CPPED1: variants seen among roughly 807,000 people sequenced by gnomAD.
CPPED1 encodes calcineurin like phosphoesterase domain containing 1, also known as serine/threonine-protein phosphatase CPPED1.
A neutral mutation model predicts 28.0 loss-of-function variants in CPPED1; 28 were observed. The observed-to-expected ratio is 1.00, with a 90% CI of 0.74 to 1.37. The LOEUF is 1.37. CPPED1 is among the 40% of genes most tolerant of loss of function. The pLI, the probability that CPPED1 is intolerant of heterozygous loss-of-function variation, is 0.00. For missense variants in CPPED1, 504 were observed against 416.5 expected (o/e 1.21, Z -1.83); for synonymous variants, 198 against 180.2 (o/e 1.10, Z -0.79).
intron 3 of CPPED1, among the ~76,000 whole-genome samples, chr16:12,666,136 A>C (rs892459653): frequency 2.6e-5 from 4 of 152,132 alleles, no homozygotes; most frequent in African/African-American, 9.7e-5. Flanking sequence ...AAATAAAAAT[A>C]ATGTTTATGG....
At chr16:12,688,691 T>C (rs1192422261) in intron 3 of CPPED1, among the ~76,000 whole-genome samples, 1 of 152,178 alleles carries the variant, frequency 6.6e-6, no homozygotes, top group East Asian at 1.9e-4. Context: ...TCCTGACTTT[T>C]CTCCAAGACT....
intron 1 of CPPED1, among the ~76,000 whole-genome samples, chr16:12,799,376 G>C (rs2141248403): frequency 6.6e-6 from 1 of 151,794 alleles, no homozygotes; most frequent in Admixed American, 6.6e-5. Context: ...CTCCCAAGTA[G>C]CTGGGATTAC....
intron 2 of CPPED1, chr16:12,757,406 G>A (rs779601607): frequency 1.7e-4 from 26 of 151,772 alleles, no homozygotes; most frequent in Non-Finnish European, 2.9e-5. Context: ...CTGCACAGGG[G>A]GATCTTACTT....
intron 2 of CPPED1, among the ~76,000 whole-genome samples, chr16:12,707,886 C>G (rs2080059898): frequency 6.6e-6 from 1 of 152,164 alleles, no homozygotes; most frequent in South Asian, 2.1e-4. Flanking sequence ...CTGATGCATG[C>G]CTATAATCCC....
intron 1 of CPPED1, among the ~76,000 whole-genome samples, chr16:12,798,282 A>T (rs2080639099): frequency 6.6e-6 from 1 of 152,162 alleles, no homozygotes; most frequent in Non-Finnish European, 1.5e-5. Context: ...ACTCACAGGA[A>T]CTCTCAAATA....
intron 2 of CPPED1, among the ~76,000 whole-genome samples, chr16:12,780,011 A>G (rs763142568): frequency 6.6e-6 from 1 of 152,078 alleles, no homozygotes; most frequent in Non-Finnish European, 1.5e-5. Context: ...ATAGGAAGAG[A>G]GTTCTAGAAG....
At position 12,670,249 on chromosome 16, in the gene CPPED1, C is replaced by T. The variant is rs992647607; in HGVS notation, c.716-5134G>A. On this transcript the variant is annotated intron_variant, in intron 3 of 3. Transcript: ENST00000381774. This position sits in a 1 kb window ranked among gnomAD's most constrained non-coding sequence, Gnocchi z 4.2. ...GTTTGAAGCTACAGTGAGCTATGACCGCACCATTGCATTCCAGTTTGGGTG... is the reference window on the plus strand; with the variant it reads ...GTTTGAAGCTACAGTGAGCTATGACTGCACCATTGCATTCCAGTTTGGGTG... Among the ~76,000 whole-genome samples, 3 of 152,066 alleles carry T rather than the reference C, an allele frequency of 2.0e-5. No homozygotes were observed. The highest frequency in any genetic ancestry group is 4.4e-5 in the Non-Finnish European group (3 of 68,024).
intron 3 of CPPED1, among the ~76,000 whole-genome samples, chr16:12,685,553 T>A (rs75088534): frequency 0.015 from 2,225 of 152,300 alleles, 49 homozygotes; most frequent in African/African-American, 0.05. Flanking sequence ...TGGCACACTG[T>A]CTACTGCATG....
chr16:12,713,782 C>T (rs1417439879), intron 2 of CPPED1, among the ~76,000 whole-genome samples: 1 of 152,078 alleles, frequency 6.6e-6, no homozygotes, highest in East Asian at 1.9e-4. Flanking sequence ...CCACTAATAA[C>T]AGCTTGAGAT....
intron 1 of CPPED1, among the ~76,000 whole-genome samples, chr16:12,797,566 TTA>T (rs1332784451): frequency 6.6e-6 from 1 of 151,828 alleles, no homozygotes; most frequent in Non-Finnish European, 1.5e-5. Flanking sequence ...AAAAAAAATT[TTA>T]AAGCAGGCAA....
At chr16:12,722,588 T>C (rs1037678717) in intron 2 of CPPED1, among the ~76,000 whole-genome samples, 1 of 152,038 alleles carries the variant, frequency 6.6e-6, no homozygotes, top group Non-Finnish European at 1.5e-5. Flanking sequence ...ATACAAAAAT[T>C]AGTTAGGTGT....
In CPPED1 at chr16:12,664,452, G is replaced by T; in HGVS notation, c.*434C>A. 1 of 1,007,224 alleles carries T rather than the reference G, an allele frequency of 9.9e-7. No homozygotes were observed. The highest frequency in any genetic ancestry group is 4.0e-5 in the South Asian group (1 of 24,798). 62.4% of individuals were successfully genotyped at this position (1,007,224 alleles called of 1,614,324 possible). On this transcript the variant is annotated 3_prime_UTR_variant, in exon 4 of 4. Transcript: ENST00000381774. The surrounding 1 kb of genome is among the most constrained non-coding windows in gnomAD (Gnocchi z 4.2). ...AACTTTGTTTTGCCTAGCGTTTTGG[G>T]AATCGTGACCACAATTTAATACAAT...
chr16:12,768,599 T>A (rs950834193), intron 2 of CPPED1, among the ~76,000 whole-genome samples: 3 of 152,238 alleles, frequency 2.0e-5, no homozygotes, highest in African/African-American at 7.2e-5. Flanking sequence ...TATGTGCGTA[T>A]GTACACACAG....
chr16:12,746,595 T>C (rs2080289903), intron 2 of CPPED1, among the ~76,000 whole-genome samples: 1 of 151,930 alleles, frequency 6.6e-6, no homozygotes, highest in Non-Finnish European at 1.5e-5. Flanking sequence ...AAATGGCAAC[T>C]ATGTGGGCAA....
At chr16:12,763,054 C>A (rs987826264) in intron 2 of CPPED1, among the ~76,000 whole-genome samples, 2 of 152,050 alleles carry the variant, frequency 1.3e-5, no homozygotes, top group Non-Finnish European at 2.9e-5. Context: ...CATGGTAAAA[C>A]CCCATCTCTA....
Position 12,704,834 on chromosome 16 carries a change from C to T in CPPED1, c.505G>A (p.Glu169Lys), listed in dbSNP as rs767697308. Residue 169 changes from glutamate (E) to lysine (K), a missense_variant, in exon 3 of 4, where the codon GAG becomes AAG. Transcript: ENST00000381774. ...LFLVLNSQFY[E>K]NPSKCPSLKQ... ...AGGCTGGGGCATTTGGAGGGGTTCT[C>T]GTAGAACTGGGAGTTGAGGACCAGG... is the stretch of plus-strand genomic sequence containing the variant. The T allele has an allele frequency of 2.0e-5, 33 of 1,614,070 alleles. No homozygotes were observed. The highest frequency in any genetic ancestry group is 1.8e-4 in the East Asian group (8 of 44,896).
At chr16:12,720,649 G>A (rs903235412) in intron 2 of CPPED1, among the ~76,000 whole-genome samples, 6 of 152,206 alleles carry the variant, frequency 3.9e-5, no homozygotes, top group African/African-American at 1.2e-4. Context: ...CACCACACTT[G>A]GCTAATTTTT....
At chr16:12,686,971 A>C (rs2079936737) in intron 3 of CPPED1, among the ~76,000 whole-genome samples, 1 of 152,158 alleles carries the variant, frequency 6.6e-6, no homozygotes, top group Non-Finnish European at 1.5e-5. Context: ...CAGGGGTTGG[A>C]AACTAAAGCC....
At chr16:12,699,340 G>A (rs2080008054) in intron 3 of CPPED1, among the ~76,000 whole-genome samples, 1 of 151,984 alleles carries the variant, frequency 6.6e-6, no homozygotes, top group South Asian at 2.1e-4. Context: ...ATACAAAGAC[G>A]GTTTTTCACT....
Sources: allele counts gnomAD v4.1 joint callset (sites outside exome capture counted in the v4.1 genomes callset), GRCh38; gene constraint gnomAD v4.1.1; non-coding constraint Gnocchi (gnomAD v3.1); transcripts MANE v1.5; gene names NCBI Gene and HGNC (gene_info 2026-07-23, HGNC 2026-07-21).